CSMD3: variants seen among roughly 807,000 people sequenced by gnomAD.
CSMD3 encodes the protein CUB and sushi domain-containing protein 3.
Under a neutral mutation model 435.2 loss-of-function variants are expected in CSMD3, and 177 were observed. The observed-to-expected ratio is 0.41, with a 90% CI of 0.36 to 0.46. The LOEUF is 0.46. Ranked by LOEUF, CSMD3 falls within the 20% of genes least tolerant of loss-of-function variation. The pLI is 0.34. For missense variants in CSMD3, 4,265 were observed against 4,504.6 expected, an observed-to-expected ratio of 0.95 and a Z score of 1.52; for synonymous variants, 1,656 against 1,520.5, an observed-to-expected ratio of 1.09 and a Z score of -2.07.
chr8:112,997,463 T>C (rs935053754), intron 6 of CSMD3, among the ~76,000 whole-genome samples: 1 of 151,630 alleles, frequency 6.6e-6, no homozygotes, highest in African/African-American at 2.4e-5. Flanking sequence ...AATTTAGTTG[T>C]ATAAAAATTT....
intron 2 of CSMD3, among the ~76,000 whole-genome samples, chr8:113,302,676 T>C (rs1489699944): frequency 6.6e-6 from 1 of 151,744 alleles, no homozygotes; most frequent in African/African-American, 2.4e-5. Flanking sequence ...ATTATCTCAA[T>C]AGATGCAGAA....
chr8:112,664,043 C>T (rs111513965), intron 17 of CSMD3, among the ~76,000 whole-genome samples: 2,068 of 152,098 alleles, frequency 0.014, 41 homozygotes, highest in African/African-American at 0.046. Context: ...TGAGAGTCAT[C>T]TGGGTGATAG....
At chr8:112,759,126 G>A (rs550644597) in intron 13 of CSMD3, among the ~76,000 whole-genome samples, 3 of 152,176 alleles carry the variant, frequency 2.0e-5, no homozygotes, top group Admixed American at 1.3e-4. Context: ...ATTAAGGCAA[G>A]TTAGTGATAA....
intron 1 of CSMD3, among the ~76,000 whole-genome samples, chr8:113,337,027 G>A (rs961897036): frequency 1.3e-5 from 2 of 152,048 alleles, no homozygotes; most frequent in African/African-American, 2.4e-5. Context: ...TCAACTCAAC[G>A]GTTTTTTGTC....
chr8:113,346,999 T>C (rs1433433965), intron 1 of CSMD3, among the ~76,000 whole-genome samples: 2 of 151,964 alleles, frequency 1.3e-5, no homozygotes, highest in African/African-American at 4.8e-5. Context: ...TATTTGGGGG[T>C]ACTCTGAATT....
chr8:112,983,248 C>T (rs367860892), intron 6 of CSMD3, among the ~76,000 whole-genome samples: 1 of 151,892 alleles, frequency 6.6e-6, no homozygotes, highest in East Asian at 1.9e-4. Flanking sequence ...TGGGTCACAG[C>T]TACCTTCACT....
At chr8:113,193,437 T>C (rs1304170462) in intron 3 of CSMD3, among the ~76,000 whole-genome samples, 1 of 151,424 alleles carries the variant, frequency 6.6e-6, no homozygotes, top group African/African-American at 2.4e-5. Flanking sequence ...AATTCTGAGA[T>C]ATAAACTAGA....
intron 22 of CSMD3, among the ~76,000 whole-genome samples, chr8:112,630,152 A>T (rs965876791): frequency 6.6e-6 from 1 of 152,144 alleles, no homozygotes; most frequent in Admixed American, 6.6e-5. Context: ...GAGGGTCTAA[A>T]CCATGCCCAG....
rs1329882374 is a variant in CSMD3, at chr8:112,715,941, G to A, written c.1973-25891C>T. Among the ~76,000 whole-genome samples the A allele has an allele frequency of 1.3e-5, 2 of 152,110 alleles. 1 individual carries two copies. Among genetic ancestry groups the A allele is most frequent in the South Asian group, 4.1e-4 (2 of 4,820 alleles). ...AAAATATCTCAAAATAATAAGAGCT[G>A]TTTATGAAAAACCCACAGCCAATAT... On this transcript the variant is annotated intron_variant, in intron 13 of 70. Coordinates refer to ENST00000297405, the MANE Select transcript of CSMD3 (RefSeq NM_198123.2).
intron 10 of CSMD3, among the ~76,000 whole-genome samples, chr8:112,915,538 T>C (rs1414935139): frequency 2.0e-5 from 3 of 151,904 alleles, no homozygotes; most frequent in South Asian, 4.1e-4. Context: ...ACAATGACAT[T>C]ATAATCACCT....
At chr8:113,227,597 C>T (rs886892092) in intron 3 of CSMD3, among the ~76,000 whole-genome samples, 3 of 151,550 alleles carry the variant, frequency 2.0e-5, no homozygotes, top group African/African-American at 7.3e-5. Context: ...TGGTTTTCCC[C>T]AGAGTTTTCT....
chr8:112,384,069 T>A (rs1228708659), intron 36 of CSMD3, among the ~76,000 whole-genome samples: 6 of 151,958 alleles, frequency 3.9e-5, no homozygotes, highest in Non-Finnish European at 8.8e-5. Flanking sequence ...AAAAACCAGA[T>A]CTGTGGTCTA....
intron 6 of CSMD3, among the ~76,000 whole-genome samples, chr8:112,984,058 T>C (rs2085156343): frequency 1.3e-5 from 2 of 151,748 alleles, no homozygotes; most frequent in African/African-American, 4.8e-5. Context: ...TAGAAAAAAA[T>C]AGCATGTTGG....
chr8:113,334,861 AGT>A (rs1230120219), intron 1 of CSMD3, among the ~76,000 whole-genome samples: 3 of 152,080 alleles, frequency 2.0e-5, no homozygotes, highest in Non-Finnish European at 2.9e-5. Context: ...AATTATTAAT[AGT>A]GTGCCTTTCA....
chr8:112,373,457 C>G (rs1828638108), intron 38 of CSMD3, among the ~76,000 whole-genome samples: 1 of 151,000 alleles, frequency 6.6e-6, no homozygotes, highest in Admixed American at 6.6e-5. Flanking sequence ...TCATTTTTTC[C>G]CAGTACCCAG....
chr8:113,266,416 C>A (rs528388778), intron 3 of CSMD3, among the ~76,000 whole-genome samples: 17 of 151,136 alleles, frequency 1.1e-4, no homozygotes, highest in South Asian at 6.3e-4. Context: ...GTTTTTTGTT[C>A]TAAATTATAT....
chr8:112,350,681 G>A (rs62514419), intron 40 of CSMD3, among the ~76,000 whole-genome samples: 4,707 of 152,044 alleles, frequency 0.031, 125 homozygotes, highest in Non-Finnish European at 0.051. Context: ...TTGAGTTAAA[G>A]CAAAAATGTG....
At chr8:113,122,586 G>A (rs1368043532) in intron 4 of CSMD3, among the ~76,000 whole-genome samples, 2 of 152,028 alleles carry the variant, frequency 1.3e-5, no homozygotes, top group African/African-American at 2.4e-5. Context: ...GGGGGAAGAA[G>A]AGGGAGAAGA....
intron 22 of CSMD3, among the ~76,000 whole-genome samples, chr8:112,611,683 G>A (rs1032896115): frequency 2.0e-5 from 3 of 151,998 alleles, no homozygotes; most frequent in African/African-American, 7.3e-5. Context: ...ATTTGTTGCT[G>A]GCAACAACAC....
Sources: allele counts gnomAD v4.1 joint callset (sites outside exome capture counted in the v4.1 genomes callset), GRCh38; gene constraint gnomAD v4.1.1; transcripts MANE v1.5; gene names NCBI Gene and HGNC (gene_info 2026-07-23, HGNC 2026-07-21).